Variants in ADAM22 observed in about 807,000 individuals in gnomAD.
The protein encoded by ADAM22 is ADAM metallopeptidase domain 22.
ADAM22 carries 65 observed loss-of-function variants against 144.6 expected under a neutral mutation model. That is an observed-to-expected ratio of 0.45 (90% confidence interval 0.37 to 0.55). The LOEUF (loss-of-function observed/expected upper bound fraction) is 0.55. ADAM22 is among the 20% of genes least tolerant of loss of function. The probability of loss-of-function intolerance (pLI) is 0.00; values close to 1 mark genes in which losing one functional copy is unlikely to be tolerated. For synonymous variants in ADAM22, 391 were observed against 412.6 expected, an observed-to-expected ratio of 0.95 and a Z score of 0.63; for missense variants, 974 against 1,184.9, an observed-to-expected ratio of 0.82 and a Z score of 2.61.
chr7:88,051,468 G>A (rs757835877), intron 3 of ADAM22, among the ~76,000 whole-genome samples: 8 of 151,728 alleles, frequency 5.3e-5, no homozygotes, highest in East Asian at 1.9e-4. Context: ...ACCAGACACC[G>A]CATGTTCTCA....
intron 1 of ADAM22, 86 bp from the exon 2 acceptor site, chr7:87,934,940 A>G (rs1840844447): frequency 1.9e-6 from 3 of 1,570,170 alleles, no homozygotes; most frequent in East Asian, 4.5e-5. Flanking sequence ...GGGGAGACGT[A>G]GGACTGCAGG....
intron 4 of ADAM22, among the ~76,000 whole-genome samples, chr7:88,088,659 C>T (rs1819055163): frequency 6.6e-6 from 1 of 152,126 alleles, no homozygotes; most frequent in African/African-American, 2.4e-5. Flanking sequence ...TTCTTGCGAT[C>T]TCAAATTGTA....
chr7:88,082,962 A>G (rs1161569874), intron 4 of ADAM22, among the ~76,000 whole-genome samples: 2 of 152,226 alleles, frequency 1.3e-5, no homozygotes, highest in Non-Finnish European at 1.5e-5. Flanking sequence ...TAGAAATGCC[A>G]TTTGACCCAG....
In ADAM22 at chr7:88,114,573, G is replaced by A. The variant is rs1827261202; in HGVS notation, c.474-11G>A. On this transcript the variant is annotated splice_polypyrimidine_tract_variant and intron_variant, in intron 5 of 31. Transcript: ENST00000413139. Reference sequence around the variant, plus strand: ...GATGGCCATGCCTAATTATTTTTTTGTCGTTGGCAGTGGGATGTTCTATGA... The same window carrying A: ...GATGGCCATGCCTAATTATTTTTTTATCGTTGGCAGTGGGATGTTCTATGA... 1.9e-6 allele frequency: 3 copies of A among 1,612,198 alleles called. No individual in the cohort carries two copies. Among genetic ancestry groups the A allele is most frequent in the South Asian group, 1.1e-5 (1 of 90,940 alleles).
rs1850917350 is a variant in ADAM22 at position 88,198,625 on chromosome 7, A to C, written c.*2134A>C. On this transcript the variant is annotated 3_prime_UTR_variant, in exon 32 of 32. Transcript: ENST00000413139. ...ATTTTGACTATAAAAGAGTTTATAG[A>C]TTTGAATATAAGGTGCCTCATGTAA... is the stretch of plus-strand genomic sequence containing the variant. 1.3e-5 allele frequency: 2 copies of C among 152,224 alleles called. No homozygotes were observed. Among genetic ancestry groups the C allele is most frequent in the African/African-American group, 4.8e-5 (2 of 41,456 alleles). The allele number at this position is 152,224 out of a possible 1,614,324, so 9.4% of individuals were successfully genotyped here. A position where few individuals can be genotyped will look rare whatever the true frequency, so the allele number is the denominator to read the frequency against.
intron 3 of ADAM22, among the ~76,000 whole-genome samples, chr7:88,050,181 C>T (rs1419776016): frequency 1.4e-5 from 2 of 142,652 alleles, no homozygotes; most frequent in Non-Finnish European, 3.0e-5. Flanking sequence ...GCCAAGAGTT[C>T]GAGAACAGCT....
In ADAM22 at chr7:88,113,731, T is replaced by A. The variant is rs1422762454; in HGVS notation, c.474-853T>A. On this transcript the variant is annotated intron_variant, in intron 5 of 31. Coordinates refer to ENST00000413139, the MANE Select transcript of ADAM22 (RefSeq NM_001324418.2). ...ATATATATATATATATATATATATA[T>A]ATATATATAGTAAGTCCTAGAATAC... Among the ~76,000 whole-genome samples the A allele has an allele frequency of 3.2e-4, 40 of 126,230 alleles. 5 individuals are homozygous for A. Among genetic ancestry groups the A allele is most frequent in the African/African-American group, 1.0e-3 (34 of 33,280 alleles). The allele number at this position is 126,230 out of a possible 152,430, so 82.8% of individuals were successfully genotyped here. A position where few individuals can be genotyped will look rare whatever the true frequency, so the allele number is the denominator to read the frequency against.
intron 3 of ADAM22, among the ~76,000 whole-genome samples, chr7:87,980,268 G>C (rs1428161383): frequency 7.5e-6 from 1 of 132,576 alleles, no homozygotes; most frequent in Non-Finnish European, 1.5e-5. Context: ...AGCCTGGGCT[G>C]AGAAACATGC....
chr7:87,996,307 T>A (rs1791216436), intron 3 of ADAM22, among the ~76,000 whole-genome samples: 1 of 152,194 alleles, frequency 6.6e-6, no homozygotes, highest in South Asian at 2.1e-4. Context: ...AAAACAGAAA[T>A]GTATTCCTTA....
chr7:88,102,651 T>TA (rs1474839515), intron 4 of ADAM22, among the ~76,000 whole-genome samples: 1 of 152,180 alleles, frequency 6.6e-6, no homozygotes, highest in Non-Finnish European at 1.5e-5. Flanking sequence ...TCTTAGGTCT[T>TA]ACCTCAGAGC....
At chr7:87,945,491 G>A (rs1356205735) in intron 2 of ADAM22, among the ~76,000 whole-genome samples, 1 of 151,560 alleles carries the variant, frequency 6.6e-6, no homozygotes, top group Non-Finnish European at 1.5e-5. Flanking sequence ...GAAGAATGAA[G>A]CCAATTATTT....
chr7:88,129,418 C>A (rs1020732451), intron 9 of ADAM22, among the ~76,000 whole-genome samples: 5 of 151,888 alleles, frequency 3.3e-5, no homozygotes, highest in African/African-American at 1.2e-4. Context: ...AAAAAATGAT[C>A]ATTTATTTAT....
At chr7:88,000,374 A>G (rs370984375) in intron 3 of ADAM22, among the ~76,000 whole-genome samples, 1 of 152,218 alleles carries the variant, frequency 6.6e-6, no homozygotes, top group East Asian at 1.9e-4. Flanking sequence ...CACAGCTGTA[A>G]TAAGTGTCTC....
chr7:88,184,348 A>C, intron 29 of ADAM22: 1 of 442,100 alleles, frequency 2.3e-6, no homozygotes, highest in South Asian at 1.6e-5. Flanking sequence ...GTCCCATCCC[A>C]AGGCATAAGC....
At chr7:88,166,550 C>A (rs1842980830) in intron 24 of ADAM22, among the ~76,000 whole-genome samples, 4 of 151,938 alleles carry the variant, frequency 2.6e-5, no homozygotes, top group African/African-American at 7.3e-5. Flanking sequence ...CAAATGTCCC[C>A]CTTTAAAATA....
intron 3 of ADAM22, among the ~76,000 whole-genome samples, chr7:88,016,535 G>A (rs979745611): frequency 8.5e-5 from 13 of 152,092 alleles, no homozygotes; most frequent in African/African-American, 2.9e-4. Flanking sequence ...CTTTATATAT[G>A]TCTTTTTTTC....
intron 3 of ADAM22, among the ~76,000 whole-genome samples, chr7:88,045,795 G>A (rs1480202445): frequency 2.6e-5 from 4 of 151,832 alleles, no homozygotes; most frequent in African/African-American, 9.7e-5. Flanking sequence ...GTCTTTCTGT[G>A]CCTGGCTTAT....
intron 4 of ADAM22, among the ~76,000 whole-genome samples, chr7:88,076,718 T>C (rs1585477210): frequency 6.6e-6 from 1 of 152,220 alleles, no homozygotes; most frequent in African/African-American, 2.4e-5. Context: ...CTGCAGATGG[T>C]ATAATCTGAG....
chr7:88,080,115 A>G (rs948187129), intron 4 of ADAM22, among the ~76,000 whole-genome samples: 1 of 152,224 alleles, frequency 6.6e-6, no homozygotes, highest in Middle Eastern at 3.2e-3. Context: ...CTCTCAGCAA[A>G]TGTGAAAGAA....
Sources: gnomAD v4.1 joint callset for allele counts (sites outside exome capture counted in the v4.1 genomes callset) on GRCh38, gnomAD v4.1.1 for gene constraint, MANE v1.5 for transcripts, NCBI Gene and HGNC (gene_info 2026-07-23, HGNC 2026-07-21) for gene names.